Variants in KCNN2 observed in about 807,000 individuals in gnomAD.
The protein encoded by KCNN2 is potassium calcium-activated channel subfamily N member 2, also known as small conductance calcium-activated potassium channel protein 2.
A neutral mutation model predicts 55.5 loss-of-function variants in KCNN2; 24 were observed. The observed-to-expected ratio is 0.43, with a 90% confidence interval of 0.31 to 0.61. KCNN2 has a LOEUF of 0.61. Among genes scored for constraint, KCNN2 ranks in the 20% least tolerant of loss-of-function variants. KCNN2 has a pLI of 0.08. For missense variants in KCNN2, 754 were observed against 853.6 expected, an observed-to-expected ratio of 0.88 and a Z score of 1.45; for synonymous variants, 431 against 336.1, an observed-to-expected ratio of 1.28 and a Z score of -3.09.
intron 2 of KCNN2, among the ~76,000 whole-genome samples, chr5:114,246,545 G>A (rs1754751507): frequency 6.6e-6 from 1 of 152,054 alleles, no homozygotes; most frequent in Non-Finnish European, 1.5e-5. Flanking sequence ...ATTATACCAA[G>A]TTAAATTGAC....
chr5:114,083,111 A>G (rs928725272), intron 1 of KCNN2, among the ~76,000 whole-genome samples: 1 of 152,154 alleles, frequency 6.6e-6, no homozygotes, highest in Non-Finnish European at 1.5e-5. Flanking sequence ...TATTTGTAAT[A>G]TAGCCTTTAT....
intron 1 of KCNN2, among the ~76,000 whole-genome samples, chr5:114,169,963 T>C (rs374453303): frequency 1.3e-5 from 2 of 152,110 alleles, no homozygotes; most frequent in African/African-American, 4.8e-5. Flanking sequence ...ATTACTTGAA[T>C]TATTTCTAGA....
At chr5:114,233,068 C>T (rs1326949635) in intron 2 of KCNN2, among the ~76,000 whole-genome samples, 3 of 144,500 alleles carry the variant, frequency 2.1e-5, no homozygotes, top group African/African-American at 8.0e-5. Flanking sequence ...CTACAGGCGC[C>T]CGCCACTACG....
At chr5:114,482,009 C>G (rs1022340937) in intron 5 of KCNN2, among the ~76,000 whole-genome samples, 1 of 152,046 alleles carries the variant, frequency 6.6e-6, no homozygotes, top group Non-Finnish European at 1.5e-5. Flanking sequence ...AAAGCAATTG[C>G]AACAAGCAAA....
intron 1 of KCNN2, among the ~76,000 whole-genome samples, chr5:114,144,321 G>A (rs1179705107): frequency 6.6e-6 from 1 of 152,050 alleles, no homozygotes; most frequent in African/African-American, 2.4e-5. Context: ...GCCAATTTTT[G>A]ATCAATACCT....
intron 2 of KCNN2, among the ~76,000 whole-genome samples, chr5:114,257,758 T>C (rs954838247): frequency 6.6e-6 from 1 of 152,186 alleles, no homozygotes; most frequent in Non-Finnish European, 1.5e-5. Context: ...GGAGGAGTCT[T>C]GAGGGTTTTC....
Position 114,321,858 on chromosome 5 carries a change from C to T in KCNN2, c.-184-39087C>T, listed in dbSNP as rs367898993. The stretch of plus-strand genomic sequence containing the variant: ...CTAATTTTTATATTTTTAGTAGAGA[C>T]GGGGTTTCACCATGTTGGTGACCTC... On this transcript the variant is annotated intron_variant, in intron 2 of 10. Transcript: ENST00000512097. 2.2e-4 allele frequency among the ~76,000 whole-genome samples: 33 copies of T among 152,126 alleles called. No individual in the cohort carries two copies. In the East Asian group the frequency reaches 3.5e-3, roughly 16 times the overall value.
chr5:114,228,573 A>G (rs982098653), intron 2 of KCNN2, among the ~76,000 whole-genome samples: 4 of 152,106 alleles, frequency 2.6e-5, no homozygotes, highest in South Asian at 2.1e-4. Flanking sequence ...GAAAATTTTT[A>G]TTGAAACACA....
intron 5 of KCNN2, among the ~76,000 whole-genome samples, chr5:114,483,192 G>A (rs1762302714): frequency 6.6e-6 from 1 of 151,476 alleles, no homozygotes; most frequent in Admixed American, 6.6e-5. Flanking sequence ...CTCCTGGCCT[G>A]TATACTTGTG....
intron 1 of KCNN2, among the ~76,000 whole-genome samples, chr5:114,187,695 A>G (rs1430014492): frequency 6.6e-6 from 1 of 150,450 alleles, no homozygotes. Context: ...TTTAGGGGAG[A>G]TGGGTTTTCA....
At chr5:114,101,401 C>A (rs1213212984) in intron 1 of KCNN2, among the ~76,000 whole-genome samples, 1 of 147,228 alleles carries the variant, frequency 6.8e-6, no homozygotes. Flanking sequence ...CCAGTGGCAC[C>A]ATCTATGGTT....
chr5:114,182,063 A>C (rs1303379607), intron 1 of KCNN2, among the ~76,000 whole-genome samples: 1 of 152,160 alleles, frequency 6.6e-6, no homozygotes, highest in Non-Finnish European at 1.5e-5. Context: ...TAGATTTGAT[A>C]TTTTTAAAAA....
intron 2 of KCNN2, among the ~76,000 whole-genome samples, chr5:114,302,425 A>G (rs563883384): frequency 5.3e-5 from 8 of 152,280 alleles, no homozygotes; most frequent in African/African-American, 1.7e-4. Context: ...GGCACAAGGT[A>G]TCTAATCATA....
At chr5:114,330,402 T>C (rs1047839789) in intron 2 of KCNN2, among the ~76,000 whole-genome samples, 1 of 152,242 alleles carries the variant, frequency 6.6e-6, no homozygotes, top group African/African-American at 2.4e-5. Context: ...ATACGCAGAC[T>C]TAATTTACAT....
At chr5:114,162,352 T>G (rs1331211057) in intron 1 of KCNN2, among the ~76,000 whole-genome samples, 1 of 152,102 alleles carries the variant, frequency 6.6e-6, no homozygotes, top group Non-Finnish European at 1.5e-5. Flanking sequence ...TGCCAGATTG[T>G]TGCTTTGGAA....
At chr5:114,245,639 C>T (rs1434687727) in intron 2 of KCNN2, among the ~76,000 whole-genome samples, 1 of 151,894 alleles carries the variant, frequency 6.6e-6, no homozygotes, top group African/African-American at 2.4e-5. Context: ...TGTGAAATAA[C>T]AATATAAGTA....
At chr5:114,396,890 G>C (rs963401996) in intron 2 of KCNN2, among the ~76,000 whole-genome samples, 2 of 152,096 alleles carry the variant, frequency 1.3e-5, no homozygotes, top group Non-Finnish European at 2.9e-5. Context: ...TCTACCCTCA[G>C]GTAGGCCCTG....
intron 2 of KCNN2, among the ~76,000 whole-genome samples, chr5:114,328,116 G>A (rs544489787): frequency 3.4e-4 from 52 of 152,284 alleles, no homozygotes; most frequent in Non-Finnish European, 6.2e-4. Context: ...CTACATCACT[G>A]TCATGTAAAA....
intron 2 of KCNN2, among the ~76,000 whole-genome samples, chr5:114,227,704 A>G (rs1157234907): frequency 6.6e-6 from 1 of 152,188 alleles, no homozygotes; most frequent in East Asian, 1.9e-4. Context: ...AAAAAGTATG[A>G]AACCTAGTTC....
Sources: allele counts gnomAD v4.1 joint callset (sites outside exome capture counted in the v4.1 genomes callset), GRCh38; gene constraint gnomAD v4.1.1; transcripts MANE v1.5; gene names NCBI Gene and HGNC (gene_info 2026-07-23, HGNC 2026-07-21).